Variants in TCEA3 observed in about 807,000 individuals in gnomAD.
TCEA3 encodes transcription elongation factor A protein 3.
TCEA3 carries 36 observed loss-of-function variants against 44.0 expected under a neutral mutation model. The ratio of observed to expected loss-of-function variants is 0.82; its 90% CI spans 0.63 to 1.08. TCEA3 has a LOEUF of 1.08. Among genes scored for constraint, TCEA3 ranks in the 50% least tolerant of loss-of-function variants. The pLI is 0.00. For missense variants in TCEA3, 392 were observed against 441.2 expected (o/e 0.89, Z 1.00); for synonymous variants, 162 against 159.7 (o/e 1.01, Z -0.11).
chr1:23,386,413 T>A (rs1638836779), intron 9 of TCEA3, among the ~76,000 whole-genome samples: 1 of 152,250 alleles, frequency 6.6e-6, no homozygotes, highest in Admixed American at 6.5e-5. Flanking sequence ...AATTTTTGTA[T>A]TTTTAGCAGA....
Position 23,397,773 on chromosome 1 carries a change from C to T in TCEA3, c.607+19G>A, listed in dbSNP as rs1347021912. 2.5e-6 allele frequency: 4 copies of T among 1,613,882 alleles called. No homozygotes were observed. The highest frequency in any genetic ancestry group is 4.5e-5 in the East Asian group (2 of 44,866). The stretch of plus-strand genomic sequence containing the variant: ...AAGGGACTCCTTCCCTCCCTCATCC[C>T]TAGCCCAGGCTCTCTCACCGTCCGC... On this transcript the variant is annotated intron_variant, in intron 6 of 10. Coordinates refer to ENST00000450454, the MANE Select transcript of TCEA3 (RefSeq NM_003196.3).
intron 5 of TCEA3, among the ~76,000 whole-genome samples, chr1:23,404,529 G>T (rs1639487790): frequency 6.6e-6 from 1 of 152,044 alleles, no homozygotes; most frequent in African/African-American, 2.4e-5. Context: ...CTGCACTCAT[G>T]GTTAGCCCTA....
chr1:23,382,700 A>G (rs1442883521), intron 10 of TCEA3, among the ~76,000 whole-genome samples: 1 of 152,198 alleles, frequency 6.6e-6, no homozygotes, highest in African/African-American at 2.4e-5. Context: ...CTACTCCTCA[A>G]AACAGCTCTG....
chr1:23,386,474 G>GGC (rs1274612472), intron 9 of TCEA3, among the ~76,000 whole-genome samples: 1 of 152,180 alleles, frequency 6.6e-6, no homozygotes, highest in African/African-American at 2.4e-5. Context: ...CTAGGCTCAA[G>GGC]CAATCTGCCT....
At chr1:23,383,728 C>T (rs1209612927) in intron 10 of TCEA3, 15 of 985,420 alleles carry the variant, frequency 1.5e-5, no homozygotes, top group African/African-American at 1.7e-5. Context: ...GGCACGTGAC[C>T]ACACTCTGTT....
chr1:23,417,834 G>T, intron 3 of TCEA3, 70 bp downstream of exon 3: 1 of 1,418,894 alleles, frequency 7.0e-7, no homozygotes, highest in Non-Finnish European at 9.9e-7. Flanking sequence ...TGCTGGCTAT[G>T]AGCCAGGCCC....
chr1:23,391,265 AC>A (rs1159517530), intron 8 of TCEA3, among the ~76,000 whole-genome samples: 1 of 147,296 alleles, frequency 6.8e-6, no homozygotes, highest in East Asian at 2.0e-4. Context: ...GGTGTGTGCC[AC>A]CACGCCCGGC....
At chr1:23,388,244 C>A (rs1009315528) in intron 8 of TCEA3, among the ~76,000 whole-genome samples, 11 of 149,732 alleles carry the variant, frequency 7.3e-5, no homozygotes, top group African/African-American at 2.7e-4. Flanking sequence ...TGTCACCAGG[C>A]TGAAGTGCAG....
intron 8 of TCEA3, among the ~76,000 whole-genome samples, chr1:23,387,843 A>G (rs1330095851): frequency 6.6e-6 from 1 of 152,004 alleles, no homozygotes; most frequent in African/African-American, 2.4e-5. Flanking sequence ...TTACGCTGTG[A>G]TCACTGCCCT....
intron 1 of TCEA3, among the ~76,000 whole-genome samples, chr1:23,421,302 A>G (rs1014387680): frequency 6.6e-6 from 1 of 152,200 alleles, no homozygotes; most frequent in Non-Finnish European, 1.5e-5. Context: ...TCCAAGAAAG[A>G]GAGAGGTTAA....
Position 23,398,042 on chromosome 1 carries a change from C to T in TCEA3, c.444-87G>A. 2.7e-6 allele frequency: 4 copies of T among 1,480,888 alleles called. No homozygotes were observed. The South Asian group carries it at 4.9e-5, about 18-fold the overall frequency. 91.7% of individuals were successfully genotyped at this position (1,480,888 alleles called of 1,614,324 possible). A position where few individuals can be genotyped will look rare whatever the true frequency, so the allele number is the denominator to read the frequency against. On this transcript the variant is annotated intron_variant, in intron 5 of 10. Coordinates refer to ENST00000450454, the MANE Select transcript of TCEA3 (RefSeq NM_003196.3). ...CATTCTAGATGTCTTGATGGATGAT[C>T]TCCTATAATCCTCATAACAACCTCA...
intron 4 of TCEA3, among the ~76,000 whole-genome samples, chr1:23,415,380 T>C (rs1324738744): frequency 6.6e-6 from 1 of 152,222 alleles, no homozygotes; most frequent in Admixed American, 6.5e-5. Context: ...AAAAACTGCA[T>C]GTGTTCAGGC....
chr1:23,384,531 C>T (rs772248860), intron 9 of TCEA3, 114 bp from the exon 10 acceptor site: 1 of 1,072,460 alleles, frequency 9.3e-7, no homozygotes, highest in Non-Finnish European at 1.3e-6. Context: ...GAGATTCCCA[C>T]CCCCCGCTGG....
intron 1 of TCEA3, among the ~76,000 whole-genome samples, chr1:23,424,273 C>A (rs1640152594): frequency 6.6e-6 from 1 of 152,000 alleles, no homozygotes. Flanking sequence ...TTTCCTGGGC[C>A]CTGCACTAGC....
chr1:23,408,640 G>T (rs770215728), intron 5 of TCEA3, 24 bp downstream of exon 5: 97 of 1,605,066 alleles, frequency 6.0e-5, no homozygotes, highest in Non-Finnish European at 7.5e-5. Context: ...ACACTGGGAT[G>T]GAGAAAGCTG....
intron 10 of TCEA3, 46 bp from the exon 11 acceptor site, chr1:23,381,520 C>T (rs1405434854): frequency 2.6e-6 from 2 of 780,610 alleles, no homozygotes; most frequent in Non-Finnish European, 4.8e-6. Flanking sequence ...TTCTCGGCAT[C>T]CTCCAAGGAG....
chr1:23,382,586 A>G (rs1638697479), intron 10 of TCEA3, among the ~76,000 whole-genome samples: 1 of 152,244 alleles, frequency 6.6e-6, no homozygotes, highest in African/African-American at 2.4e-5. Flanking sequence ...GTACCCTGGC[A>G]TGAGGCTGTG....
At chr1:23,381,618 A>G (rs1376234254) in intron 10 of TCEA3, 144 bp from the exon 11 acceptor site, 2 of 686,950 alleles carry the variant, frequency 2.9e-6, no homozygotes, top group Non-Finnish European at 5.3e-6. Flanking sequence ...TAGCTGTGTG[A>G]TCTTGAACAA....
At chr1:23,422,517 G>A (rs1366127471) in intron 1 of TCEA3, among the ~76,000 whole-genome samples, 1 of 152,126 alleles carries the variant, frequency 6.6e-6, no homozygotes, top group Non-Finnish European at 1.5e-5. Flanking sequence ...TGGAGGATCC[G>A]TCTTATTACA....
Sources: gnomAD v4.1 joint callset for allele counts (sites outside exome capture counted in the v4.1 genomes callset) on GRCh38, gnomAD v4.1.1 for gene constraint, MANE v1.5 for transcripts, NCBI Gene and HGNC (gene_info 2026-07-23, HGNC 2026-07-21) for gene names.